Variants in PHACTR1 observed in about 807,000 individuals in gnomAD.
PHACTR1 encodes the protein phosphatase and actin regulator 1.
A neutral mutation model predicts 69.2 loss-of-function variants in PHACTR1; 16 were observed. The observed-to-expected ratio is 0.23, with a 90% confidence interval of 0.16 to 0.35. The LOEUF (loss-of-function observed/expected upper bound fraction) is 0.35, where lower values mean the gene tolerates loss of function less well. Ranked by LOEUF, PHACTR1 falls within the 10% of genes least tolerant of loss-of-function variation. The pLI is 1.00. For synonymous variants in PHACTR1, 312 were observed against 284.5 expected (o/e 1.10, Z -0.97); for missense variants, 510 against 734.7 (o/e 0.69, Z 3.54).
chr6:13,047,879 C>T (rs1433895451), intron 4 of PHACTR1, among the ~76,000 whole-genome samples: 3 of 152,084 alleles, frequency 2.0e-5, no homozygotes, highest in African/African-American at 7.2e-5. Context: ...TGAGGAGCGC[C>T]CCGAGCCCCG....
At chr6:13,171,676 T>C (rs1466618096) in intron 6 of PHACTR1, among the ~76,000 whole-genome samples, 1 of 152,208 alleles carries the variant, frequency 6.6e-6, no homozygotes, top group Admixed American at 6.5e-5. Flanking sequence ...TACATGTGTC[T>C]AATGAATGCC....
At chr6:13,103,245 G>A (rs1158703716) in intron 5 of PHACTR1, among the ~76,000 whole-genome samples, 2 of 152,130 alleles carry the variant, frequency 1.3e-5, no homozygotes, top group African/African-American at 4.8e-5. Context: ...AGATATAATT[G>A]GAGGCACATT....
intron 5 of PHACTR1, among the ~76,000 whole-genome samples, chr6:13,073,331 A>ATTTTTTTTTTTTTT (rs10664160): frequency 3.0e-5 from 2 of 65,692 alleles, no homozygotes; most frequent in Non-Finnish European, 5.1e-5. Context: ...CATTCCATGA[A>ATTTTTTTTTTTTTT]TTTTTTTTTT....
chr6:13,016,905 G>T (rs755260878), intron 4 of PHACTR1, among the ~76,000 whole-genome samples: 1 of 152,114 alleles, frequency 6.6e-6, no homozygotes, highest in African/African-American at 2.4e-5. Flanking sequence ...ACCAAGATGC[G>T]GCTGGGCGCG....
intron 4 of PHACTR1, among the ~76,000 whole-genome samples, chr6:12,847,850 T>C (rs1187193948): frequency 1.3e-5 from 2 of 152,192 alleles, no homozygotes; most frequent in African/African-American, 4.8e-5. Flanking sequence ...AGCTAAGGCT[T>C]AAAGGAACAA....
At chr6:13,092,198 C>G (rs1813400133) in intron 5 of PHACTR1, among the ~76,000 whole-genome samples, 1 of 152,202 alleles carries the variant, frequency 6.6e-6, no homozygotes, top group South Asian at 2.1e-4. Flanking sequence ...ATAGATGGCG[C>G]TTCACTCAAC....
intron 5 of PHACTR1, among the ~76,000 whole-genome samples, chr6:13,057,287 A>T (rs78822371): frequency 0.023 from 3,505 of 152,214 alleles, 137 homozygotes; most frequent in African/African-American, 0.079. Context: ...ATTAATTTTT[A>T]AAAAAAGGAA....
chr6:12,933,725 G>GA, intron 4 of PHACTR1: 1 of 1,612,774 alleles, frequency 6.2e-7, no homozygotes, highest in Non-Finnish European at 8.5e-7. Context: ...GTGTTCCCTG[G>GA]AAAACCACGG....
intron 4 of PHACTR1, among the ~76,000 whole-genome samples, chr6:12,854,649 G>T (rs62389893): frequency 0.066 from 10,100 of 152,074 alleles, 380 homozygotes; most frequent in Middle Eastern, 0.11. Context: ...TCCAACAAGG[G>T]TCTAATATCC....
At chr6:13,046,394 C>T (rs1805050009) in intron 4 of PHACTR1, among the ~76,000 whole-genome samples, 2 of 152,118 alleles carry the variant, frequency 1.3e-5, no homozygotes, top group Admixed American at 6.5e-5. Flanking sequence ...GTGTCCACAG[C>T]TTGGTGCTAA....
chr6:12,773,322 A>G (rs916750982), intron 4 of PHACTR1, among the ~76,000 whole-genome samples: 1 of 152,190 alleles, frequency 6.6e-6, no homozygotes, highest in African/African-American at 2.4e-5. Flanking sequence ...CCTTGTGTGA[A>G]CCAAGGGATG....
At chr6:12,888,041 C>G (rs1490607567) in intron 4 of PHACTR1, among the ~76,000 whole-genome samples, 2 of 125,100 alleles carry the variant, frequency 1.6e-5, no homozygotes, top group Non-Finnish European at 3.1e-5. Context: ...CTACTGCACT[C>G]TAGCCTGGGC....
At chr6:12,949,269 CA>C (rs201027793) in intron 4 of PHACTR1, among the ~76,000 whole-genome samples, 322 of 57,020 alleles carry the variant, frequency 5.6e-3, no homozygotes, top group African/African-American at 7.8e-3. Context: ...AACGTCATCT[CA>C]AAAAAAAAAA....
At chr6:12,908,742 A>G (rs1786034534) in intron 4 of PHACTR1, among the ~76,000 whole-genome samples, 2 of 152,146 alleles carry the variant, frequency 1.3e-5, no homozygotes, top group South Asian at 4.2e-4. Flanking sequence ...TGCTCATGGA[A>G]CTGCAGGTCA....
rs530486170 is a variant in PHACTR1, at chr6:13,255,086, C to T, written c.1392-17774C>T. Among the ~76,000 whole-genome samples the T allele has an allele frequency of 2.4e-4, 36 of 152,270 alleles. No homozygotes were observed. The South Asian group carries it at 5.6e-3, about 24-fold the overall frequency. ...TCTGCAGGTTGCGCAGGAAACATAG[C>T]GGCTTCTGCTTCTGGGGAGGCCTCA... On this transcript the variant is annotated intron_variant, in intron 10 of 14. Coordinates refer to ENST00000332995, the MANE Select transcript of PHACTR1 (RefSeq NM_030948.6).
intron 3 of PHACTR1, among the ~76,000 whole-genome samples, chr6:12,733,966 G>A (rs2127575802): frequency 6.6e-6 from 1 of 152,250 alleles, no homozygotes; most frequent in Non-Finnish European, 1.5e-5. Flanking sequence ...TCAAATAATA[G>A]AAATCTGCTT....
At chr6:12,834,938 C>T (rs1299921563) in intron 4 of PHACTR1, among the ~76,000 whole-genome samples, 1 of 152,104 alleles carries the variant, frequency 6.6e-6, no homozygotes, top group Non-Finnish European at 1.5e-5. Flanking sequence ...CAAATACCCT[C>T]TTCGTAAAAA....
At chr6:12,769,283 C>A (rs1051618415) in intron 4 of PHACTR1, among the ~76,000 whole-genome samples, 4 of 152,226 alleles carry the variant, frequency 2.6e-5, no homozygotes, top group African/African-American at 7.2e-5. Context: ...TTTGATCATT[C>A]ATGCTATGTA....
At chr6:13,208,676 C>G (rs1029682806) in intron 8 of PHACTR1, among the ~76,000 whole-genome samples, 1 of 139,824 alleles carries the variant, frequency 7.2e-6, no homozygotes, top group Admixed American at 7.4e-5. Flanking sequence ...GTTTTCATAT[C>G]TCTCATGAGC....
Sources: gnomAD v4.1 joint callset for allele counts (sites outside exome capture counted in the v4.1 genomes callset) on GRCh38, gnomAD v4.1.1 for gene constraint, MANE v1.5 for transcripts, NCBI Gene and HGNC (gene_info 2026-07-23, HGNC 2026-07-21) for gene names.